HDAC9: variants seen among roughly 807,000 people sequenced by gnomAD.
The protein encoded by HDAC9 is MEF-2 interacting transcription repressor (MITR) protein.
A neutral mutation model predicts 139.4 loss-of-function variants in HDAC9; 41 were observed. The observed-to-expected ratio is 0.29, with a 90% CI of 0.23 to 0.38. The LOEUF is 0.38. Ranked by LOEUF, HDAC9 falls within the 10% of genes least tolerant of loss-of-function variation. The pLI, the probability that HDAC9 is intolerant of heterozygous loss-of-function variation, is 1.00. For synonymous variants in HDAC9, 517 were observed against 476.2 expected (o/e 1.09, Z -1.12); for missense variants, 1,147 against 1,297.0 (o/e 0.88, Z 1.78).
intron 1 of HDAC9, among the ~76,000 whole-genome samples, chr7:18,324,603 A>C (rs966392672): frequency 6.6e-6 from 1 of 152,142 alleles, no homozygotes; most frequent in Non-Finnish European, 1.5e-5. Context: ...TCACACCAGC[A>C]CGGGCAGCAG....
At chr7:18,783,300 A>T (rs1791410034) in intron 16 of HDAC9, among the ~76,000 whole-genome samples, 1 of 152,112 alleles carries the variant, frequency 6.6e-6, no homozygotes, top group Non-Finnish European at 1.5e-5. Flanking sequence ...TGCAAAGAAA[A>T]GCATTTCTCT....
In HDAC9 at chr7:18,442,400, T is replaced by C. The variant is rs111877702; in HGVS notation, c.-41-53862T>C. 3.2e-3 allele frequency among the ~76,000 whole-genome samples: 488 copies of C among 152,320 alleles called. 3 individuals carry two copies. The highest frequency in any genetic ancestry group is 0.011 in the African/African-American group (459 of 41,574). ...TTGAGACAATAGAAGTGACCAAATA[T>C]TTATTTCCCCACCAGTTGCCGGACT... On this transcript the variant is annotated intron_variant, in intron 1 of 3. Coordinates refer to the HDAC9 transcript ENST00000413509.
At chr7:18,939,877 G>C (rs1170592505) in intron 23 of HDAC9, among the ~76,000 whole-genome samples, 1 of 152,130 alleles carries the variant, frequency 6.6e-6, no homozygotes, top group Non-Finnish European at 1.5e-5. Flanking sequence ...GGCAGAACCC[G>C]CTTTAGTTTC....
chr7:18,439,305 CG>C (rs1188462034), intron 1 of HDAC9, among the ~76,000 whole-genome samples: 4 of 152,118 alleles, frequency 2.6e-5, no homozygotes, highest in Admixed American at 2.6e-4. Context: ...ATTCTAAAAA[CG>C]GTTTTCTATA....
intron 2 of HDAC9, among the ~76,000 whole-genome samples, chr7:18,529,817 G>C (rs531974997): frequency 6.6e-6 from 1 of 151,920 alleles, no homozygotes; most frequent in Non-Finnish European, 1.5e-5. Context: ...GGTTTTCATT[G>C]ATCTGATGTG....
chr7:18,917,620 T>A (rs1803322468), intron 22 of HDAC9, among the ~76,000 whole-genome samples: 1 of 151,864 alleles, frequency 6.6e-6, no homozygotes, highest in Non-Finnish European at 1.5e-5. Context: ...AGTGAAGAGA[T>A]CACATTTGTT....
chr7:18,749,622 T>A (rs1208283616), intron 14 of HDAC9, among the ~76,000 whole-genome samples: 3 of 152,212 alleles, frequency 2.0e-5, no homozygotes, highest in Admixed American at 6.5e-5. Flanking sequence ...TGAAGGGATT[T>A]GAATACTTTG....
intron 1 of HDAC9, among the ~76,000 whole-genome samples, chr7:18,442,836 A>T (rs564056867): frequency 1.7e-4 from 26 of 152,176 alleles, no homozygotes; most frequent in Non-Finnish European, 2.8e-4. Context: ...CCAGAGGAAT[A>T]TTCAGTCCTA....
At chr7:18,666,507 G>C in intron 12 of HDAC9, 31 bp downstream of exon 12, 1 of 1,594,472 alleles carries the variant, frequency 6.3e-7, no homozygotes, top group Non-Finnish European at 8.6e-7. Context: ...TCCAGGATTT[G>C]TAATTAAAGT....
rs537098093 is a variant in HDAC9 at position 18,418,221 on chromosome 7, G to C, written c.-41-78041G>C. 2.8e-3 allele frequency among the ~76,000 whole-genome samples: 423 copies of C among 152,262 alleles called. 1 individual carries two copies. Among genetic ancestry groups the C allele is most frequent in the Non-Finnish European group, 4.8e-3 (329 of 68,018 alleles). On this transcript the variant is annotated intron_variant, in intron 1 of 3. Transcript: ENST00000413509. ...AATTCAATTCCTGCTACTACAAGTT[G>C]AAGGCAGAACTTCCTTGACACTTCA... is the stretch of plus-strand genomic sequence containing the variant.
At chr7:18,951,091 A>G (rs1369425219) in intron 23 of HDAC9, among the ~76,000 whole-genome samples, 1 of 151,950 alleles carries the variant, frequency 6.6e-6, no homozygotes, top group Non-Finnish European at 1.5e-5. Flanking sequence ...CTCCAAGAAT[A>G]TCCCTCGCCT....
intron 2 of HDAC9, among the ~76,000 whole-genome samples, chr7:18,537,337 G>A (rs1445650147): frequency 6.6e-6 from 1 of 152,112 alleles, no homozygotes; most frequent in African/African-American, 2.4e-5. Flanking sequence ...AGGAGAAAAG[G>A]TTTGGAAAAG....
At chr7:18,363,226 A>G (rs17347278) in intron 1 of HDAC9, among the ~76,000 whole-genome samples, 3,397 of 152,214 alleles carry the variant, frequency 0.022, 60 homozygotes, top group South Asian at 0.06. Flanking sequence ...TAGATTTTCC[A>G]TATAATTTCC....
intron 14 of HDAC9, among the ~76,000 whole-genome samples, chr7:18,753,414 A>G (rs988629065): frequency 6.6e-6 from 1 of 152,046 alleles, no homozygotes; most frequent in African/African-American, 2.4e-5. Context: ...AGATCTTGTG[A>G]TGAATAACTT....
chr7:18,475,698 G>A (rs1262984571), intron 1 of HDAC9, among the ~76,000 whole-genome samples: 1 of 152,128 alleles, frequency 6.6e-6, no homozygotes, highest in Non-Finnish European at 1.5e-5. Context: ...TTGCCTTAGT[G>A]GAGTCATGTT....
At chr7:18,860,096 C>A (rs1379660369) in intron 21 of HDAC9, among the ~76,000 whole-genome samples, 1 of 151,348 alleles carries the variant, frequency 6.6e-6, no homozygotes, top group Non-Finnish European at 1.5e-5. Flanking sequence ...GAGAGAAATC[C>A]CTATGACTGA....
intron 1 of HDAC9, among the ~76,000 whole-genome samples, chr7:18,390,072 AC>A: frequency 6.6e-6 from 1 of 151,490 alleles, no homozygotes; most frequent in Non-Finnish European, 1.5e-5. Context: ...ACACACACAC[AC>A]ACACACACAC....
chr7:18,411,138 A>G (rs772909136), intron 1 of HDAC9, among the ~76,000 whole-genome samples: 2 of 152,164 alleles, frequency 1.3e-5, no homozygotes, highest in South Asian at 2.1e-4. Flanking sequence ...TGGTACATCC[A>G]TGGAGTGCTG....
intron 1 of HDAC9, among the ~76,000 whole-genome samples, chr7:18,462,824 T>G (rs1793965380): frequency 6.6e-6 from 1 of 152,052 alleles, no homozygotes; most frequent in South Asian, 2.1e-4. Flanking sequence ...TTTGATCATG[T>G]TTAATAGTGT....
Sources: gnomAD v4.1 joint callset for allele counts (sites outside exome capture counted in the v4.1 genomes callset) on GRCh38, gnomAD v4.1.1 for gene constraint, MANE v1.5 for transcripts, NCBI Gene and HGNC (gene_info 2026-07-23, HGNC 2026-07-21) for gene names.